The following OSBPL6 variants were observed in gnomAD, a reference collection of about 807,000 sequenced individuals.
OSBPL6 encodes the protein oxysterol binding protein like 6.
Under a neutral mutation model 125.8 loss-of-function variants are expected in OSBPL6, and 49 were observed. The observed-to-expected ratio is 0.39, with a 90% CI of 0.31 to 0.49. The LOEUF is 0.49. Ranked by LOEUF, OSBPL6 falls within the 20% of genes least tolerant of loss-of-function variation. OSBPL6 has a pLI of 0.88. For synonymous variants in OSBPL6, 394 were observed against 391.8 expected, an observed-to-expected ratio of 1.01 and a Z score of -0.07; for missense variants, 986 against 1,135.4, an observed-to-expected ratio of 0.87 and a Z score of 1.89.
chr2:178,336,261 A>G, intron 8 of OSBPL6, 40 bp from the exon 9 acceptor site: 6 of 1,593,762 alleles, frequency 3.8e-6, no homozygotes, highest in Non-Finnish European at 5.1e-6. Context: ...ATTGAAATGT[A>G]CTGTTTCATA....
Position 178,394,373 on chromosome 2 carries a change from C to G in OSBPL6, c.2634C>G (p.Leu878=), listed in dbSNP as rs914300275. 1 of 1,613,062 alleles carries G rather than the reference C, an allele frequency of 6.2e-7. No individual in the cohort carries two copies. Among genetic ancestry groups the G allele is most frequent in the East Asian group, 2.2e-5 (1 of 44,860 alleles). The change falls in exon 24 of 25, where the codon CTC becomes CTG. Residue 878 remains leucine, a synonymous_variant. Coordinates refer to ENST00000190611, the MANE Select transcript of OSBPL6 (RefSeq NM_032523.4). ...AASEKQRVEE[L]QRSRRRYMEE... is the part of the protein sequence containing the mutation. Reference sequence around the variant, plus strand: ...CAGAGAAGCAAAGAGTAGAGGAACTCCAGAGATCTCGGAGACGATATATGG... The same window carrying G: ...CAGAGAAGCAAAGAGTAGAGGAACTGCAGAGATCTCGGAGACGATATATGG...
chr2:178,220,337 C>T (rs970207733), intron 1 of OSBPL6, among the ~76,000 whole-genome samples: 2 of 152,090 alleles, frequency 1.3e-5, no homozygotes, highest in African/African-American at 4.8e-5. Context: ...TACTCTGTCA[C>T]CTACGCTGGA....
At position 178,265,643 on chromosome 2, in the gene OSBPL6, G is replaced by A. The variant is rs375262440; in HGVS notation, c.-350-19284G>A. On this transcript the variant is annotated intron_variant, in intron 1 of 24. Transcript: ENST00000190611. ...AGTGGGAAGATTTATCACAGCTCTT[G>A]GAAGCATGGCAGCCTTTTGGTGGGG... Among the ~76,000 whole-genome samples, 88 of 152,230 alleles carry A rather than the reference G, an allele frequency of 5.8e-4. 2 individuals carry two copies. The South Asian group carries it at 0.01, about 18-fold the overall frequency.
chr2:178,320,879 G>T (rs887186341), intron 3 of OSBPL6, among the ~76,000 whole-genome samples: 3 of 152,170 alleles, frequency 2.0e-5, no homozygotes, highest in Admixed American at 1.3e-4. Context: ...TCCAAGATAG[G>T]CTGGGTGCAG....
intron 12 of OSBPL6, among the ~76,000 whole-genome samples, chr2:178,349,638 C>T (rs888724454): frequency 2.0e-5 from 3 of 152,074 alleles, no homozygotes; most frequent in Non-Finnish European, 2.9e-5. Flanking sequence ...AGTTATTGTA[C>T]GCAATCTGGC....
chr2:178,347,861 A>T (rs1259713984), intron 11 of OSBPL6, among the ~76,000 whole-genome samples: 1 of 152,208 alleles, frequency 6.6e-6, no homozygotes, highest in Admixed American at 6.5e-5. Flanking sequence ...TGATTCAAAT[A>T]ACATATATTA....
In OSBPL6 at chr2:178,399,734, T is replaced by A. The variant is rs540098033; in HGVS notation, c.*4175T>A. 1.3e-5 allele frequency: 2 copies of A among 152,336 alleles called. No individual in the cohort carries two copies. The highest frequency in any genetic ancestry group is 4.8e-5 in the African/African-American group (2 of 41,582). The allele number at this position is 152,336 out of a possible 1,614,324, so 9.4% of individuals were successfully genotyped here. A position where few individuals can be genotyped will look rare whatever the true frequency, so the allele number is the denominator to read the frequency against. On this transcript the variant is annotated 3_prime_UTR_variant, in exon 25 of 25. Coordinates refer to ENST00000190611, the MANE Select transcript of OSBPL6 (RefSeq NM_032523.4). ...CTTGCTCCTAACATAGTGAAAGGCA[T>A]AGATACACATGTATGTTCTTTTACA...
At chr2:178,339,235 T>C in intron 10 of OSBPL6, 141 bp downstream of exon 10, 3 of 511,672 alleles carry the variant, frequency 5.9e-6, no homozygotes, top group Non-Finnish European at 9.8e-6. Flanking sequence ...GGAGTTATTT[T>C]TAATATTTTT....
rs576587763 is a variant in OSBPL6, at chr2:178,401,105, C to T, written c.*5546C>T. 1.3e-5 allele frequency: 2 copies of T among 152,210 alleles called. No homozygotes were observed. The highest frequency in any genetic ancestry group is 2.9e-5 in the Non-Finnish European group (2 of 68,036). The allele number at this position is 152,210 out of a possible 1,614,324, so 9.4% of individuals were successfully genotyped here. A position where few individuals can be genotyped will look rare whatever the true frequency, so the allele number is the denominator to read the frequency against. ...AATTTCCATGCTTCTGGTGATGTAA[C>T]ACCACTTGGTGGTGGCGCTGAGGAA... is the stretch of plus-strand genomic sequence containing the variant. On this transcript the variant is annotated 3_prime_UTR_variant, in exon 25 of 25. Coordinates refer to ENST00000190611, the MANE Select transcript of OSBPL6 (RefSeq NM_032523.4).
chr2:178,305,976 G>T (rs1055823452), intron 2 of OSBPL6, 54 bp from the exon 3 acceptor site: 15 of 368,486 alleles, frequency 4.1e-5, no homozygotes, highest in Non-Finnish European at 6.9e-5. Flanking sequence ...TAAAGATAAT[G>T]ATTTTAATTT....
chr2:178,372,219 C>A lies in OSBPL6; in HGVS notation c.1381C>A (p.Pro461Thr). The change falls in exon 14 of 25, where the codon CCT becomes ACT. Residue 461 changes from proline (P) to threonine (T), a missense_variant. Pro to Thr is a conservative substitution (Grantham distance 38). Around this residue, in one of 3 missense-constraint regions of OSBPL6, gnomAD observed 843 missense variants for 997.3 expected, o/e 0.85. Coordinates refer to ENST00000190611, the MANE Select transcript of OSBPL6 (RefSeq NM_032523.4). ...TCAGGTTGTCAGTGTAAATATTATT[C>A]CTAGCCCTGATGAGGTAAGACTCAT... Reference protein sequence around the residue: ...CDQVVSVNIIPSPDEAGEQIH... With the variant: ...CDQVVSVNIITSPDEAGEQIH... The A allele has an allele frequency of 1.2e-6, 2 of 1,610,696 alleles. No individual in the cohort carries two copies. The highest frequency in any genetic ancestry group is 1.7e-6 in the Non-Finnish European group (2 of 1,177,854).
At chr2:178,217,735 T>G (rs2090149807) in intron 1 of OSBPL6, among the ~76,000 whole-genome samples, 1 of 152,162 alleles carries the variant, frequency 6.6e-6, no homozygotes, top group African/African-American at 2.4e-5. Flanking sequence ...AAATAGCCTT[T>G]CCAGTTGATC....
intron 1 of OSBPL6, among the ~76,000 whole-genome samples, chr2:178,213,242 A>G (rs2089946527): frequency 6.6e-6 from 1 of 151,922 alleles, no homozygotes; most frequent in South Asian, 2.1e-4. Context: ...GACCGCATCA[A>G]GTTCTGACTC....
chr2:178,329,004 T>C (rs1010014671), intron 5 of OSBPL6, among the ~76,000 whole-genome samples: 1 of 152,254 alleles, frequency 6.6e-6, no homozygotes, highest in Non-Finnish European at 1.5e-5. Flanking sequence ...TTTAAATGCA[T>C]GCATGTATCA....
chr2:178,284,795 T>C (rs7599683), intron 1 of OSBPL6, 132 bp from the exon 2 acceptor site: 221,934 of 368,584 alleles, frequency 0.6, 67,828 homozygotes, highest in East Asian at 0.72. Flanking sequence ...AGCTGAGGCA[T>C]GTACCCATAT....
At chr2:178,335,485 A>G (rs140440194) in intron 8 of OSBPL6, among the ~76,000 whole-genome samples, 2 of 152,134 alleles carry the variant, frequency 1.3e-5, no homozygotes, top group African/African-American at 4.8e-5. Flanking sequence ...ATATCAAATT[A>G]TGAGACTCCT....
chr2:178,230,994 G>A (rs1169369343), intron 1 of OSBPL6, among the ~76,000 whole-genome samples: 1 of 152,098 alleles, frequency 6.6e-6, no homozygotes, highest in African/African-American at 2.4e-5. Context: ...CCTGGGGTTT[G>A]TCATCTCACA....
chr2:178,320,067 A>G (rs1461471576), intron 3 of OSBPL6, among the ~76,000 whole-genome samples: 2 of 152,234 alleles, frequency 1.3e-5, no homozygotes, highest in African/African-American at 4.8e-5. Flanking sequence ...ATGAAATTTA[A>G]GTAAGTAAAT....
At chr2:178,213,058 C>T (rs376002420) in intron 1 of OSBPL6, among the ~76,000 whole-genome samples, 67 of 152,268 alleles carry the variant, frequency 4.4e-4, no homozygotes, top group African/African-American at 1.4e-3. Context: ...CCGCCTGCCT[C>T]GGCCTCCCAA....
Sources: gnomAD v4.1 joint callset for allele counts (sites outside exome capture counted in the v4.1 genomes callset) on GRCh38, gnomAD v4.1.1 for gene constraint, gnomAD v4.1.1 regional missense constraint, MANE v1.5 for transcripts, NCBI Gene and HGNC (gene_info 2026-07-23, HGNC 2026-07-21) for gene names.